KY: variants seen among roughly 807,000 people sequenced by gnomAD.
The protein encoded by KY is kyphoscoliosis peptidase.
KY carries 43 observed loss-of-function variants against 76.1 expected under a neutral mutation model. The ratio of observed to expected loss-of-function variants is 0.57; its 90% CI spans 0.44 to 0.73. The LOEUF is 0.73. Among genes scored for constraint, KY ranks in the 30% least tolerant of loss-of-function variants. The pLI is 0.00. For missense variants in KY, 722 were observed against 828.9 expected, an observed-to-expected ratio of 0.87 and a Z score of 1.58; for synonymous variants, 277 against 326.2, an observed-to-expected ratio of 0.85 and a Z score of 1.63.
chr3:134,640,833 C>A (rs1254753974), intron 3 of KY, among the ~76,000 whole-genome samples: 6 of 152,236 alleles, frequency 3.9e-5, no homozygotes, highest in Non-Finnish European at 8.8e-5. Flanking sequence ...ACCTCTCTTG[C>A]TGGATTATCA....
chr3:134,609,137 G>C lies in KY; in HGVS notation c.900-298C>G, dbSNP rs115585892. 7.8e-3 allele frequency among the ~76,000 whole-genome samples: 1,191 copies of C among 152,342 alleles called. 8 individuals carry two copies. Among genetic ancestry groups the C allele is most frequent in the Middle Eastern group, 0.01 (3 of 294 alleles). On this transcript the variant is annotated intron_variant, in intron 9 of 10. Transcript: ENST00000423778. ...CTCAAAGACAATCAGAAGTTCAAAGGGGGGAAAGGCATAGCCTGTGGACCA... is the reference window on the plus strand; with the variant it reads ...CTCAAAGACAATCAGAAGTTCAAAGCGGGGAAAGGCATAGCCTGTGGACCA...
chr3:134,649,445 C>T (rs1167754216), intron 1 of KY, among the ~76,000 whole-genome samples: 1 of 152,138 alleles, frequency 6.6e-6, no homozygotes. Flanking sequence ...AACTAGGCCT[C>T]GCCACACACT....
chr3:134,607,126 G>T (rs1959320556), intron 10 of KY: 12 of 985,272 alleles, frequency 1.2e-5, no homozygotes, highest in African/African-American at 1.7e-5. Flanking sequence ...GCTTTGACCT[G>T]GTCAGTTCTT....
At chr3:134,628,505 A>G (rs2107895090) in intron 4 of KY, among the ~76,000 whole-genome samples, 1 of 152,346 alleles carries the variant, frequency 6.6e-6, no homozygotes, top group East Asian at 1.9e-4. Flanking sequence ...ACTTTAGGCT[A>G]TAAATATAAC....
intron 3 of KY, among the ~76,000 whole-genome samples, chr3:134,642,448 C>T (rs1965882242): frequency 6.6e-6 from 1 of 152,176 alleles, no homozygotes; most frequent in South Asian, 2.1e-4. Context: ...CCAAGGTGGG[C>T]GTGAGAGTCT....
intron 10 of KY, among the ~76,000 whole-genome samples, chr3:134,606,457 T>A (rs1348918211): frequency 6.6e-6 from 1 of 152,094 alleles, no homozygotes; most frequent in Non-Finnish European, 1.5e-5. Context: ...CCCCCAAACC[T>A]GGATAAGGCT....
intron 6 of KY, among the ~76,000 whole-genome samples, chr3:134,621,519 A>G (rs1460643326): frequency 6.6e-6 from 1 of 152,204 alleles, no homozygotes; most frequent in Non-Finnish European, 1.5e-5. Flanking sequence ...TCCACATGCA[A>G]AAGAATAAAC....
intron 3 of KY, 99 bp downstream of exon 3, chr3:134,643,217 C>T (rs1446094545): frequency 8.7e-7 from 1 of 1,154,586 alleles, no homozygotes; most frequent in African/African-American, 1.5e-5. Flanking sequence ...ACCCTGCTCC[C>T]CATAGTCTGA....
At chr3:134,645,000 T>G (rs1966262912) in intron 2 of KY, among the ~76,000 whole-genome samples, 1 of 152,232 alleles carries the variant, frequency 6.6e-6, no homozygotes, top group South Asian at 2.1e-4. Flanking sequence ...TGGCAGTGCC[T>G]CGGCTGGCTG....
intron 10 of KY, among the ~76,000 whole-genome samples, chr3:134,605,563 C>G (rs982485164): frequency 1.3e-5 from 2 of 152,180 alleles, no homozygotes; most frequent in African/African-American, 4.8e-5. Context: ...GATGGGGAGG[C>G]TGCTTAGACA....
At chr3:134,650,523 C>T (rs1966855955) in intron 1 of KY, among the ~76,000 whole-genome samples, 1 of 152,210 alleles carries the variant, frequency 6.6e-6, no homozygotes, top group African/African-American at 2.4e-5. Flanking sequence ...ATCTTCCAAT[C>T]TTGCTCTACA....
rs199921236 is a variant in KY at position 134,619,256 on chromosome 3, A to G, written c.602T>C (p.Ile201Thr). The change falls in exon 8 of 11, where the codon ATT (isoleucine) becomes ACT (threonine). Residue 201 changes from isoleucine to threonine, a missense_variant. Ile to Thr is a moderately conservative substitution (Grantham distance 89, BLOSUM62 -1). This residue lies in a region of KY where 552 missense variants were observed against 680.9 expected (regional missense o/e 0.81). Transcript: ENST00000423778. ...IWICHHIEYD[I>T]AAAQEKDRQA... Reference sequence around the variant, plus strand: ...GCGGTCCTTCTCCTGAGCAGCTGCAATGTCATACTCTATAGGGCAGGTGAG... The same window carrying G: ...GCGGTCCTTCTCCTGAGCAGCTGCAGTGTCATACTCTATAGGGCAGGTGAG... The G allele has an allele frequency of 2.4e-4, 386 of 1,613,378 alleles. No individual in the cohort carries two copies. The highest frequency in any genetic ancestry group is 2.8e-4 in the Non-Finnish European group (329 of 1,179,454).
intron 3 of KY, among the ~76,000 whole-genome samples, chr3:134,640,715 C>G (rs1469893450): frequency 6.6e-6 from 1 of 152,188 alleles, no homozygotes; most frequent in Non-Finnish European, 1.5e-5. Context: ...ATTCATGTTT[C>G]TTTCCCAACC....
chr3:134,610,213 G>T lies in KY; in HGVS notation c.881C>A (p.Thr294Asn), dbSNP rs759844444. Residue 294 changes from threonine to asparagine, a missense_variant, in exon 9 of 11, where the codon ACC becomes AAC. Thr to Asn is a moderately conservative substitution (Grantham distance 65). This residue lies in a region of KY where 552 missense variants were observed against 680.9 expected (regional missense o/e 0.81). Coordinates refer to ENST00000423778, the MANE Select transcript of KY (RefSeq NM_178554.6). ...TACTTACAGGAAGGTGAATTTGGAG[G>T]TGATGGTGTCCACCAGGCCGCTGCC... ...TWGSGLVDTI[T>N]SKFTFLYNEF... The T allele has an allele frequency of 4.6e-5, 74 of 1,613,036 alleles. No homozygotes were observed. Among genetic ancestry groups the T allele is most frequent in the Non-Finnish European group, 5.7e-5 (67 of 1,179,552 alleles).
At chr3:134,641,965 G>T (rs1369586628) in intron 3 of KY, among the ~76,000 whole-genome samples, 1 of 152,168 alleles carries the variant, frequency 6.6e-6, no homozygotes, top group Non-Finnish European at 1.5e-5. Context: ...ATGTGCAGTT[G>T]AGTTCATTTT....
At chr3:134,608,618 G>A (rs1447544299) in intron 10 of KY, 31 bp downstream of exon 10, 1 of 1,613,934 alleles carries the variant, frequency 6.2e-7, no homozygotes, top group Non-Finnish European at 8.5e-7. Flanking sequence ...CATTCCTGCT[G>A]CTAGCACACT....
chr3:134,608,382 T>A (rs571854452), intron 10 of KY: 4 of 1,412,874 alleles, frequency 2.8e-6, no homozygotes, highest in Non-Finnish European at 9.4e-7. Context: ...CCTGCAGCCT[T>A]CAGACACATC....
chr3:134,630,523 T>C (rs1315091828), intron 3 of KY, among the ~76,000 whole-genome samples: 2 of 152,182 alleles, frequency 1.3e-5, no homozygotes, highest in African/African-American at 4.8e-5. Context: ...AAATGGGTCA[T>C]GAAGAGGAGG....
intron 2 of KY, among the ~76,000 whole-genome samples, chr3:134,646,923 G>T (rs1277669765): frequency 3.9e-5 from 6 of 152,130 alleles, no homozygotes; most frequent in African/African-American, 1.4e-4. Context: ...GAGATCCTGG[G>T]CCTGGGGTGG....
Sources: gnomAD v4.1 joint callset for allele counts (sites outside exome capture counted in the v4.1 genomes callset) on GRCh38, gnomAD v4.1.1 for gene constraint, gnomAD v4.1.1 regional missense constraint, MANE v1.5 for transcripts, NCBI Gene and HGNC (gene_info 2026-07-23, HGNC 2026-07-21) for gene names.